AQP6: variants seen among roughly 807,000 people sequenced by gnomAD.
AQP6 encodes the protein aquaporin 6, also known as aquaporin-6.
In AQP6, 14 loss-of-function variants were observed where a neutral mutation model predicts 16.3. The ratio of observed to expected loss-of-function variants is 0.86; its 90% CI spans 0.57 to 1.34. AQP6 has a LOEUF of 1.34. AQP6 is among the 40% of genes most tolerant of loss of function. AQP6 has a pLI of 0.00. For synonymous variants in AQP6, 178 were observed against 166.8 expected, an observed-to-expected ratio of 1.07 and a Z score of -0.52; for missense variants, 331 against 379.7, an observed-to-expected ratio of 0.87 and a Z score of 1.07.
rs991454896 is a variant in AQP6 at position 49,975,612 on chromosome 12, G to A, written c.790G>A (p.Glu264Lys). ...EVGTGAGAGAEPLKKESQPGS... is the reference protein window; with the variant it reads ...EVGTGAGAGAKPLKKESQPGS... Reference sequence around the variant, plus strand: ...GGGGACAGGGGCAGGGGCAGGGGCGGAGCCCCTGAAGAAGGAATCCCAGCC... The same window carrying A: ...GGGGACAGGGGCAGGGGCAGGGGCGAAGCCCCTGAAGAAGGAATCCCAGCC... Residue 264 changes from glutamate to lysine, a missense_variant, in exon 4 of 4, where the codon GAG becomes AAG. By Grantham distance (56) the Glu-to-Lys change is moderately conservative. Transcript: ENST00000315520. This position sits in a 1 kb window ranked among gnomAD's most constrained non-coding sequence, Gnocchi z 4.4. 3 of 1,597,672 alleles carry A rather than the reference G, an allele frequency of 1.9e-6. No individual in the cohort carries two copies. Among genetic ancestry groups the A allele is most frequent in the Non-Finnish European group, 2.6e-6 (3 of 1,175,396 alleles).
chr12:49,976,772 T>C lies in AQP6; in HGVS notation c.*1101T>C. The C allele has an allele frequency of 1.8e-6, 1 of 560,586 alleles. No homozygotes were observed. The highest frequency in any genetic ancestry group is 3.2e-6 in the Non-Finnish European group (1 of 317,410). The allele number at this position is 560,586 out of a possible 1,614,324, so 34.7% of individuals were successfully genotyped here. ...ACAATCCTCAGAGGGGAAGTGCCCATCTAGCCATTGACTCATGACCTGGGT... is the reference window on the plus strand; with the variant it reads ...ACAATCCTCAGAGGGGAAGTGCCCACCTAGCCATTGACTCATGACCTGGGT... On this transcript the variant is annotated 3_prime_UTR_variant, in exon 4 of 4. Coordinates refer to ENST00000315520, the MANE Select transcript of AQP6 (RefSeq NM_001652.4).
Position 49,974,816 on chromosome 12 carries a change from C to T in AQP6, c.632C>T (p.Thr211Ile). 2 of 1,614,180 alleles carry T rather than the reference C, an allele frequency of 1.2e-6. No homozygotes were observed. The highest frequency in any genetic ancestry group is 1.7e-6 in the Non-Finnish European group (2 of 1,180,006). The change falls in exon 3 of 4, where the codon ACA becomes ATA. Residue 211 changes from threonine (T) to isoleucine (I), a missense_variant. Physicochemically the swap from Thr to Ile is moderately conservative, Grantham distance 89. Coordinates refer to ENST00000315520, the MANE Select transcript of AQP6 (RefSeq NM_001652.4). ...FGPAIIIGKF[T>I]VHWVFWVGPL... ...CCTGCCATCATCATTGGGAAGTTCA[C>T]AGTCCACTGGGTGAGCCCCTCTGCT...
intron 1 of AQP6, 30 bp from the exon 2 acceptor site, chr12:49,974,294 G>A (rs143610886): frequency 3.7e-4 from 559 of 1,502,494 alleles, no homozygotes; most frequent in Admixed American, 9.2e-4. Flanking sequence ...CAGAGCCCGC[G>A]TCTGGTCCAG....
In AQP6 at chr12:49,975,386, G is replaced by A; in HGVS notation, c.643-79G>A. ...AGACCTGGGAGATCAAGTCGGCACT[G>A]GGGAAGCAGGCAGCGGTCCCAGAGC... On this transcript the variant is annotated intron_variant, in intron 3 of 3. Transcript: ENST00000315520. The surrounding 1 kb of genome is among the most constrained non-coding windows in gnomAD (Gnocchi z 4.4). 6.6e-7 allele frequency: 1 copy of A among 1,512,326 alleles called. No homozygotes were observed. Among genetic ancestry groups the A allele is most frequent in the Non-Finnish European group, 8.8e-7 (1 of 1,134,644 alleles). 93.7% of individuals were successfully genotyped at this position (1,512,326 alleles called of 1,614,324 possible). A position where few individuals can be genotyped will look rare whatever the true frequency, so the allele number is the denominator to read the frequency against.
chr12:49,974,678 T>G (rs1947558084), intron 2 of AQP6, 68 bp from the exon 3 acceptor site: 2 of 1,569,056 alleles, frequency 1.3e-6, no homozygotes, highest in Non-Finnish European at 8.7e-7. Context: ...GAGCCAGGAC[T>G]GAGAAATGGT....
At position 49,975,379 on chromosome 12, in the gene AQP6, CG is replaced by C; in HGVS notation, c.643-84del. On this transcript the variant is annotated intron_variant, in intron 3 of 3. Transcript: ENST00000315520. This position sits in a 1 kb window ranked among gnomAD's most constrained non-coding sequence, Gnocchi z 4.4. ...TTGAGGGAGACCTGGGAGATCAAGT[CG>C]GCACTGGGGAAGCAGGCAGCGGTCC... The C allele has an allele frequency of 6.6e-7, 1 of 1,507,424 alleles. No individual in the cohort carries two copies. The highest frequency in any genetic ancestry group is 8.8e-7 in the Non-Finnish European group (1 of 1,132,558). 93.4% of individuals were successfully genotyped at this position (1,507,424 alleles called of 1,614,324 possible).
Position 49,973,552 on chromosome 12 carries a change from C to G in AQP6, c.379C>G (p.Arg127Gly), listed in dbSNP as rs139985595. 4.9e-3 allele frequency: 7,894 copies of G among 1,608,904 alleles called. 22 individuals are homozygous for G. The highest frequency in any genetic ancestry group is 5.9e-3 in the Non-Finnish European group (6,902 of 1,177,550). The change falls in exon 1 of 4, where the codon CGA becomes GGA. Residue 127 changes from arginine (R) to glycine (G), a missense_variant. Physicochemically the swap from Arg to Gly is moderately radical, Grantham distance 125. Coordinates refer to ENST00000315520, the MANE Select transcript of AQP6 (RefSeq NM_001652.4). The part of the protein sequence containing the change: ...LLYGVMPGDI[R>G]ETLGINVVRN... ...TTATGGGGTCATGCCGGGAGACATC[C>G]GAGAGACCCTTGGGATCAACGTGGT...
In AQP6 at chr12:49,975,341, A is replaced by T; in HGVS notation, c.643-124A>T. 1.4e-6 allele frequency: 2 copies of T among 1,463,142 alleles called. No homozygotes were observed. The allele number at this position is 1,463,142 out of a possible 1,614,324, so 90.6% of individuals were successfully genotyped here. On this transcript the variant is annotated intron_variant, in intron 3 of 3. Coordinates refer to ENST00000315520, the MANE Select transcript of AQP6 (RefSeq NM_001652.4). This position sits in a 1 kb window ranked among gnomAD's most constrained non-coding sequence, Gnocchi z 4.4. ...ACGACTCGTGGTTCTCAAATTTAGCACCTTACAGACAGTTGAGGGAGACCT... is the reference window on the plus strand; with the variant it reads ...ACGACTCGTGGTTCTCAAATTTAGCTCCTTACAGACAGTTGAGGGAGACCT...
intron 3 of AQP6, 35 bp downstream of exon 3, chr12:49,974,861 G>A (rs1243794823): frequency 6.2e-7 from 1 of 1,611,266 alleles, no homozygotes; most frequent in Non-Finnish European, 8.5e-7. Flanking sequence ...GGGGAGGGAA[G>A]GGAGCCTGAG....
At position 49,973,520 on chromosome 12, in the gene AQP6, C is replaced by T; in HGVS notation, c.347C>T (p.Ala116Val). ...CTGGTGGGGGCCACGGTGGGGGCTGCTCTGCTTTATGGGGTCATGCCGGGA... is the reference window on the plus strand; with the variant it reads ...CTGGTGGGGGCCACGGTGGGGGCTGTTCTGCTTTATGGGGTCATGCCGGGA... ...AQLVGATVGA[A>V]LLYGVMPGDI... Residue 116 changes from alanine to valine, a missense_variant, in exon 1 of 4, where the codon GCT (alanine) becomes GTT (valine). By Grantham distance (64) the Ala-to-Val change is moderately conservative. Coordinates refer to ENST00000315520, the MANE Select transcript of AQP6 (RefSeq NM_001652.4). 1 of 1,613,498 alleles carries T rather than the reference C, an allele frequency of 6.2e-7. No individual in the cohort carries two copies. Among genetic ancestry groups the T allele is most frequent in the Non-Finnish European group, 8.5e-7 (1 of 1,179,854 alleles).
rs1481667767 is a variant in AQP6 at position 49,973,152 on chromosome 12, G to C, written c.-22G>C. On this transcript the variant is annotated 5_prime_UTR_variant, in exon 1 of 4. Transcript: ENST00000315520. Reference sequence around the variant, plus strand: ...GAGAAGAGGCCCCAGAGCAAGGCAAGGAACGGCCAAGGCACCAGGACATGG... The same window carrying C: ...GAGAAGAGGCCCCAGAGCAAGGCAACGAACGGCCAAGGCACCAGGACATGG... 12 of 1,579,730 alleles carry C rather than the reference G, an allele frequency of 7.6e-6. No individual in the cohort carries two copies. The highest frequency in any genetic ancestry group is 1.0e-5 in the Non-Finnish European group (12 of 1,161,038).
Position 49,976,878 on chromosome 12 carries a change from A to G in AQP6, c.*1207A>G, listed in dbSNP as rs1947578559. On this transcript the variant is annotated 3_prime_UTR_variant, in exon 4 of 4. Coordinates refer to ENST00000315520, the MANE Select transcript of AQP6 (RefSeq NM_001652.4). ...TGAATAAGCCCTAAGGGTGGTAGGA[A>G]CCCAGGAGGGACCCAGGAAACTAAG... 1.4e-6 allele frequency: 1 copy of G among 689,932 alleles called. No individual in the cohort carries two copies. The highest frequency in any genetic ancestry group is 2.6e-6 in the Non-Finnish European group (1 of 378,708). The allele number at this position is 689,932 out of a possible 1,614,324, so 42.7% of individuals were successfully genotyped here.
Position 49,976,880 on chromosome 12 carries a change from C to T in AQP6, c.*1209C>T. ...AATAAGCCCTAAGGGTGGTAGGAAC[C>T]CAGGAGGGACCCAGGAAACTAAGAT... On this transcript the variant is annotated 3_prime_UTR_variant, in exon 4 of 4. Transcript: ENST00000315520. 1 of 690,712 alleles carries T rather than the reference C, an allele frequency of 1.4e-6. No homozygotes were observed. The highest frequency in any genetic ancestry group is 2.7e-5 in the East Asian group (1 of 37,176). The allele number at this position is 690,712 out of a possible 1,614,324, so 42.8% of individuals were successfully genotyped here.
At chr12:49,973,621 G>C in intron 1 of AQP6, 46 bp downstream of exon 1, 2 of 1,528,844 alleles carry the variant, frequency 1.3e-6, no homozygotes, top group South Asian at 1.2e-5. Context: ...GCGGGAATGC[G>C]CACAAGTGGT....
rs1252027802 is a variant in AQP6, at chr12:49,975,266, G to C, written c.643-199G>C. 2 of 1,363,716 alleles carry C rather than the reference G, an allele frequency of 1.5e-6. No individual in the cohort carries two copies. The highest frequency in any genetic ancestry group is 3.0e-5 in the African/African-American group (2 of 67,644). 84.5% of individuals were successfully genotyped at this position (1,363,716 alleles called of 1,614,324 possible). On this transcript the variant is annotated intron_variant, in intron 3 of 3. Coordinates refer to ENST00000315520, the MANE Select transcript of AQP6 (RefSeq NM_001652.4). The surrounding 1 kb of genome is among the most constrained non-coding windows in gnomAD (Gnocchi z 4.4). ...AGAGCCTGGGCTCAGCCCCAGGGAGGGCAGGGAGAGCAAGGGGCAAGGTCC... is the reference window on the plus strand; with the variant it reads ...AGAGCCTGGGCTCAGCCCCAGGGAGCGCAGGGAGAGCAAGGGGCAAGGTCC...
At chr12:49,974,687 G>A (rs1947558184) in intron 2 of AQP6, 59 bp from the exon 3 acceptor site, 1 of 1,575,986 alleles carries the variant, frequency 6.3e-7, no homozygotes, top group African/African-American at 1.3e-5. Flanking sequence ...CTGAGAAATG[G>A]TCCCCTCTCA....
intron 1 of AQP6, 96 bp from the exon 2 acceptor site, chr12:49,974,228 C>T: frequency 7.0e-7 from 1 of 1,433,468 alleles, no homozygotes; most frequent in East Asian, 2.4e-5. Flanking sequence ...GGTGTCACCC[C>T]CCTCCAGCTG....
rs1266865043 is a variant in AQP6 at position 49,976,905 on chromosome 12, T to C, written c.*1234T>C. 1.4e-6 allele frequency: 1 copy of C among 698,076 alleles called. No homozygotes were observed. The highest frequency in any genetic ancestry group is 2.6e-6 in the Non-Finnish European group (1 of 382,518). 43.2% of individuals were successfully genotyped at this position (698,076 alleles called of 1,614,324 possible). A position where few individuals can be genotyped will look rare whatever the true frequency, so the allele number is the denominator to read the frequency against. On this transcript the variant is annotated 3_prime_UTR_variant, in exon 4 of 4. Coordinates refer to ENST00000315520, the MANE Select transcript of AQP6 (RefSeq NM_001652.4). ...CCAGGAGGGACCCAGGAAACTAAGA[T>C]TTGAGATTCAGTGCCTCTGAAAGAC...
In AQP6 at chr12:49,975,451, A is replaced by G; in HGVS notation, c.643-14A>G. 1 of 1,579,466 alleles carries G rather than the reference A, an allele frequency of 6.3e-7. No individual in the cohort carries two copies. Among genetic ancestry groups the G allele is most frequent in the East Asian group, 2.2e-5 (1 of 44,490 alleles). ...GATAGCTCCTGGGTGGGGTGACGACATCCTTCTCCTCAGGTCTTCTGGGTG... is the reference window on the plus strand; with the variant it reads ...GATAGCTCCTGGGTGGGGTGACGACGTCCTTCTCCTCAGGTCTTCTGGGTG... On this transcript the variant is annotated splice_polypyrimidine_tract_variant and intron_variant, in intron 3 of 3. Transcript: ENST00000315520. This position sits in a 1 kb window ranked among gnomAD's most constrained non-coding sequence, Gnocchi z 4.4.
Sources: gnomAD v4.1 joint callset for allele counts on GRCh38, gnomAD v4.1.1 for gene constraint, Gnocchi (gnomAD v3.1) non-coding constraint, MANE v1.5 for transcripts, NCBI Gene and HGNC (gene_info 2026-07-23, HGNC 2026-07-21) for gene names.